The following ATXN2 variants were observed in gnomAD, a reference collection of about 807,000 sequenced individuals.
ATXN2 encodes the protein ataxin-2.
A neutral mutation model predicts 138.6 loss-of-function variants in ATXN2; 37 were observed. The observed-to-expected ratio is 0.27, with a 90% CI of 0.21 to 0.35. The LOEUF (loss-of-function observed/expected upper bound fraction) is 0.35. Ranked by LOEUF, ATXN2 falls within the 10% of genes least tolerant of loss-of-function variation. The pLI, the probability that ATXN2 is intolerant of heterozygous loss-of-function variation, is 1.00. For missense variants in ATXN2, 1,216 were observed against 1,480.3 expected, an observed-to-expected ratio of 0.82 and a Z score of 2.93; for synonymous variants, 549 against 543.7, an observed-to-expected ratio of 1.01 and a Z score of -0.13.
intron 1 of ATXN2, among the ~76,000 whole-genome samples, chr12:111,560,339 G>A (rs1882613146): frequency 6.6e-6 from 1 of 152,172 alleles, no homozygotes; most frequent in Non-Finnish European, 1.5e-5. Flanking sequence ...ACAGGAGGAT[G>A]TGCACCGGTA....
At chr12:111,494,299 G>A (rs1454411982) in intron 14 of ATXN2, among the ~76,000 whole-genome samples, 1 of 152,130 alleles carries the variant, frequency 6.6e-6, no homozygotes, top group African/African-American at 2.4e-5. Flanking sequence ...TAAAAAGCGG[G>A]CAGATGAAGT....
chr12:111,482,119 A>G (rs1379482467), intron 18 of ATXN2, among the ~76,000 whole-genome samples: 2 of 147,886 alleles, frequency 1.4e-5, no homozygotes, highest in African/African-American at 4.9e-5. Flanking sequence ...TGGGAGGCCG[A>G]GGGAGGTGGA....
intron 1 of ATXN2, chr12:111,597,797 T>C (rs1054097927): frequency 4.2e-6 from 5 of 1,183,968 alleles, no homozygotes; most frequent in Admixed American, 2.3e-5. Flanking sequence ...AATCTCTCTC[T>C]CCTAGCATTT....
At chr12:111,587,008 G>C (rs1884379254) in intron 1 of ATXN2, among the ~76,000 whole-genome samples, 1 of 148,018 alleles carries the variant, frequency 6.8e-6, no homozygotes, top group East Asian at 2.0e-4. Context: ...GCTAAAGCAG[G>C]AGGACAGTTT....
chr12:111,470,890 G>A, intron 18 of ATXN2, 148 bp from the exon 19 acceptor site: 1 of 794,818 alleles, frequency 1.3e-6, no homozygotes, highest in Non-Finnish European at 2.0e-6. Flanking sequence ...GCCACTCTGG[G>A]TTATTTTCCT....
At chr12:111,487,530 G>A (rs1028128682) in intron 15 of ATXN2, among the ~76,000 whole-genome samples, 4 of 151,722 alleles carry the variant, frequency 2.6e-5, no homozygotes, top group African/African-American at 7.3e-5. Context: ...GCATGATCTC[G>A]GCTCACTGCA....
chr12:111,495,015 TA>T (rs893126093), intron 14 of ATXN2, among the ~76,000 whole-genome samples: 2 of 151,454 alleles, frequency 1.3e-5, no homozygotes, highest in African/African-American at 2.4e-5. Context: ...TAAATGGATT[TA>T]AAAAAAAGGC....
chr12:111,540,218 G>A (rs1223344475), intron 5 of ATXN2, among the ~76,000 whole-genome samples: 1 of 150,116 alleles, frequency 6.7e-6, no homozygotes, highest in Non-Finnish European at 1.5e-5. Flanking sequence ...GCATGCATAA[G>A]ACTCCATTGA....
chr12:111,572,923 G>T (rs1883415790), intron 1 of ATXN2, among the ~76,000 whole-genome samples: 1 of 151,992 alleles, frequency 6.6e-6, no homozygotes, highest in Non-Finnish European at 1.5e-5. Context: ...CACAGCCCAT[G>T]ATATCGTACA....
intron 5 of ATXN2, among the ~76,000 whole-genome samples, chr12:111,525,554 T>G (rs1880439231): frequency 6.6e-6 from 1 of 152,242 alleles, no homozygotes; most frequent in Non-Finnish European, 1.5e-5. Flanking sequence ...GAAGATAAAC[T>G]GCTATCTAAA....
In ATXN2 at chr12:111,457,409, C is replaced by T. The variant is rs1875194435; in HGVS notation, c.2897-50G>A. ...GTACACAACCGATGTCTGACAACCT[C>T]CATCGCTCCTCTACACTTCATCAAC... On this transcript the variant is annotated intron_variant, in intron 21 of 24. Coordinates refer to ENST00000673436, the MANE Select transcript of ATXN2 (RefSeq NM_001372574.1). 2.6e-6 allele frequency: 4 copies of T among 1,551,052 alleles called. No homozygotes were observed. In the East Asian group the frequency reaches 9.1e-5, roughly 35 times the overall value.
At chr12:111,559,849 A>T (rs879902126) in intron 1 of ATXN2, among the ~76,000 whole-genome samples, 3 of 152,068 alleles carry the variant, frequency 2.0e-5, no homozygotes, top group Non-Finnish European at 2.9e-5. Flanking sequence ...TATTACTTAT[A>T]TTGCACCATA....
At chr12:111,492,674 T>A (rs1230073663) in intron 14 of ATXN2, among the ~76,000 whole-genome samples, 1 of 150,420 alleles carries the variant, frequency 6.6e-6, no homozygotes, top group Admixed American at 6.6e-5. Context: ...AGAGCGAGAC[T>A]CTGTCTCAAA....
Position 111,516,411 on chromosome 12 carries a change from A to T in ATXN2, c.1166-48T>A. 6.8e-7 allele frequency: 1 copy of T among 1,476,738 alleles called. No individual in the cohort carries two copies. Among genetic ancestry groups the T allele is most frequent in the Non-Finnish European group, 9.1e-7 (1 of 1,095,980 alleles). The allele number at this position is 1,476,738 out of a possible 1,614,324, so 91.5% of individuals were successfully genotyped here. A position where few individuals can be genotyped will look rare whatever the true frequency, so the allele number is the denominator to read the frequency against. On this transcript the variant is annotated intron_variant, in intron 9 of 24. Transcript: ENST00000673436. The surrounding 1 kb of genome is among the most constrained non-coding windows in gnomAD (Gnocchi z 5.0). ...GGAAAGTATAAAAACTAAAGAAAAA[A>T]ATGAGGGAAAAAAGTAAACAGAAAA... is the stretch of plus-strand genomic sequence containing the variant.
intron 5 of ATXN2, among the ~76,000 whole-genome samples, chr12:111,532,394 C>T (rs1360682409): frequency 2.0e-5 from 3 of 152,072 alleles, no homozygotes; most frequent in East Asian, 1.9e-4. Flanking sequence ...GCAGGAGAAT[C>T]GTTTGAACCC....
At chr12:111,513,964 T>A (rs1320813630) in intron 10 of ATXN2, among the ~76,000 whole-genome samples, 1 of 152,112 alleles carries the variant, frequency 6.6e-6, no homozygotes, top group Non-Finnish European at 1.5e-5. Context: ...CTGACCCGAA[T>A]TTTCTACATT....
intron 1 of ATXN2, among the ~76,000 whole-genome samples, chr12:111,578,680 G>C (rs1312465672): frequency 1.3e-5 from 2 of 152,096 alleles, no homozygotes; most frequent in Admixed American, 6.6e-5. Context: ...ACCAAAGATG[G>C]TATGAATGTC....
rs1187185753 is a variant in ATXN2, at chr12:111,598,010, G to A, written c.251+774C>T. On this transcript the variant is annotated intron_variant, in intron 1 of 24. Transcript: ENST00000673436. The surrounding 1 kb of genome is among the most constrained non-coding windows in gnomAD (Gnocchi z 4.5). ...CGGAGAGGTCTGGCGGGGGAAGGAG[G>A]AAGGCCGGGACGGGGCCGGGCACTC... 2.5e-6 allele frequency: 3 copies of A among 1,196,290 alleles called. No homozygotes were observed. Among genetic ancestry groups the A allele is most frequent in the Non-Finnish European group, 3.2e-6 (3 of 943,132 alleles). The allele number at this position is 1,196,290 out of a possible 1,614,324, so 74.1% of individuals were successfully genotyped here. A position where few individuals can be genotyped will look rare whatever the true frequency, so the allele number is the denominator to read the frequency against.
intron 18 of ATXN2, among the ~76,000 whole-genome samples, chr12:111,481,834 G>A (rs59188958): frequency 0.071 from 10,779 of 151,662 alleles, 1,321 homozygotes; most frequent in East Asian, 0.57. Context: ...TGTAATTTTT[G>A]TATTTTTAGT....
Sources: allele counts gnomAD v4.1 joint callset (sites outside exome capture counted in the v4.1 genomes callset), GRCh38; gene constraint gnomAD v4.1.1; non-coding constraint Gnocchi (gnomAD v3.1); transcripts MANE v1.5; gene names NCBI Gene and HGNC (gene_info 2026-07-23, HGNC 2026-07-21).